The following CPA6 variants were observed in gnomAD, a reference collection of about 807,000 sequenced individuals.
CPA6 encodes the protein carboxypeptidase B.
Under a neutral mutation model 63.3 loss-of-function variants are expected in CPA6, and 58 were observed. The ratio of observed to expected loss-of-function variants is 0.92; its 90% confidence interval spans 0.74 to 1.14. CPA6 has a LOEUF of 1.14. Ranked by LOEUF, CPA6 falls within the 50% of genes most tolerant of loss-of-function variation. The pLI, the probability that CPA6 is intolerant of heterozygous loss-of-function variation, is 0.00. For synonymous variants in CPA6, 185 were observed against 179.0 expected (o/e 1.03, Z -0.27); for missense variants, 565 against 526.6 (o/e 1.07, Z -0.71).
intron 2 of CPA6, among the ~76,000 whole-genome samples, chr8:67,546,266 T>C (rs1353376630): frequency 6.6e-6 from 1 of 152,200 alleles, no homozygotes; most frequent in Non-Finnish European, 1.5e-5. Flanking sequence ...CTTGGTGAGC[T>C]TCCTGGTAAA....
intron 1 of CPA6, among the ~76,000 whole-genome samples, chr8:67,703,827 G>A (rs945352143): frequency 7.9e-5 from 12 of 152,140 alleles, no homozygotes; most frequent in African/African-American, 2.9e-4. Flanking sequence ...TTTCATCCCA[G>A]TTATGCTCCA....
In CPA6 at chr8:67,742,450, G is replaced by A. The variant is rs558999091; in HGVS notation, c.116+3564C>T. Among the ~76,000 whole-genome samples the A allele has an allele frequency of 3.9e-5, 6 of 152,310 alleles. No individual in the cohort carries two copies. The South Asian group carries it at 1.2e-3, about 32-fold the overall frequency. On this transcript the variant is annotated intron_variant, in intron 1 of 10. Coordinates refer to ENST00000297770, the MANE Select transcript of CPA6 (RefSeq NM_020361.5). ...AGGCAGAGCTGGGTGAGAATCTCAA[G>A]TGTGTCCTTGAGCTAGTTAGCCCTG...
At chr8:67,649,469 G>A (rs1245006860) in intron 1 of CPA6, among the ~76,000 whole-genome samples, 1 of 152,048 alleles carries the variant, frequency 6.6e-6, no homozygotes, top group African/African-American at 2.4e-5. Flanking sequence ...TTTTTCTAAA[G>A]ACTTTCCATG....
Position 67,690,144 on chromosome 8 carries a change from G to T in CPA6, c.116+55870C>A, listed in dbSNP as rs541201972. On this transcript the variant is annotated intron_variant, in intron 1 of 10. Transcript: ENST00000297770. Reference sequence around the variant, plus strand: ...GTTATTTGTTTTTCTGAAGATATAAGCTTCTCATGTAGAGGAACTGTGTGT... The same window carrying T: ...GTTATTTGTTTTTCTGAAGATATAATCTTCTCATGTAGAGGAACTGTGTGT... Among the ~76,000 whole-genome samples the T allele has an allele frequency of 3.9e-5, 6 of 152,090 alleles. No homozygotes were observed. The South Asian group carries it at 1.0e-3, about 26-fold the overall frequency.
chr8:67,538,907 C>A (rs1812647054), intron 2 of CPA6, among the ~76,000 whole-genome samples: 1 of 152,164 alleles, frequency 6.6e-6, no homozygotes, highest in African/African-American at 2.4e-5. Flanking sequence ...GATCTGCCTG[C>A]CTTGGACTCC....
chr8:67,643,217 T>C (rs528733962), intron 1 of CPA6, among the ~76,000 whole-genome samples: 1 of 152,288 alleles, frequency 6.6e-6, no homozygotes, highest in African/African-American at 2.4e-5. Flanking sequence ...ATTTCACAAC[T>C]ACCAGTTTCT....
chr8:67,707,995 A>T (rs1367987543), intron 1 of CPA6, among the ~76,000 whole-genome samples: 1 of 152,158 alleles, frequency 6.6e-6, no homozygotes, highest in African/African-American at 2.4e-5. Flanking sequence ...TTGTCTACAC[A>T]GTCCCTGTAC....
chr8:67,603,536 T>A (rs1185802643), intron 2 of CPA6, among the ~76,000 whole-genome samples: 1 of 152,190 alleles, frequency 6.6e-6, no homozygotes, highest in Non-Finnish European at 1.5e-5. Flanking sequence ...CCCTAAAGCA[T>A]GTCCATAGAT....
At chr8:67,660,622 A>G (rs1056122439) in intron 1 of CPA6, among the ~76,000 whole-genome samples, 4 of 149,922 alleles carry the variant, frequency 2.7e-5, no homozygotes, top group African/African-American at 9.9e-5. Context: ...GGATTACAGG[A>G]ACGAACCTCT....
rs1811714617 is a variant in CPA6 at position 67,496,519 on chromosome 8, T to TA, written c.636+10267_636+10268insT. On this transcript the variant is annotated intron_variant, in intron 6 of 10. Transcript: ENST00000297770. ...TGTGCAACCATCACCACTATATAGT[T>TA]TATATATATATATATATATATATAT... Among the ~76,000 whole-genome samples, 52 of 94,124 alleles carry TA rather than the reference T, an allele frequency of 5.5e-4. 1 individual carries two copies. Among genetic ancestry groups the TA allele is most frequent in the African/African-American group, 2.3e-3 (46 of 20,046 alleles). 61.7% of individuals were successfully genotyped at this position (94,124 alleles called of 152,430 possible). A position where few individuals can be genotyped will look rare whatever the true frequency, so the allele number is the denominator to read the frequency against.
chr8:67,452,184 A>C (rs1810571482), intron 8 of CPA6: 1 of 152,216 alleles, frequency 6.6e-6, no homozygotes, highest in Non-Finnish European at 1.5e-5. Context: ...GAACATGCAG[A>C]GGGAGTAGAA....
chr8:67,702,295 C>T (rs1006993993), intron 1 of CPA6, among the ~76,000 whole-genome samples: 3 of 152,112 alleles, frequency 2.0e-5, no homozygotes, highest in African/African-American at 7.2e-5. Context: ...ACAAAATCAG[C>T]ATTACTATAT....
chr8:67,647,399 C>T (rs1166827494), intron 1 of CPA6, among the ~76,000 whole-genome samples: 3 of 150,856 alleles, frequency 2.0e-5, no homozygotes, highest in Non-Finnish European at 4.4e-5. Flanking sequence ...TGGCCTTGAA[C>T]TTCTGGATTC....
chr8:67,565,692 T>C (rs954381407), intron 2 of CPA6, among the ~76,000 whole-genome samples: 4 of 152,194 alleles, frequency 2.6e-5, no homozygotes, highest in Non-Finnish European at 5.9e-5. Flanking sequence ...CTGTTTAGTT[T>C]TTTTCCCAAG....
chr8:67,592,896 C>G (rs1427616137), intron 2 of CPA6, among the ~76,000 whole-genome samples: 1 of 151,854 alleles, frequency 6.6e-6, no homozygotes, highest in African/African-American at 2.4e-5. Context: ...CATTTCTGCT[C>G]TGATTTTAGT....
chr8:67,509,302 C>A (rs1490292479), intron 5 of CPA6, among the ~76,000 whole-genome samples: 1 of 152,130 alleles, frequency 6.6e-6, no homozygotes, highest in East Asian at 1.9e-4. Flanking sequence ...GCATCAATAA[C>A]TGAAAATGTT....
At chr8:67,607,570 T>C (rs181003934) in intron 2 of CPA6, among the ~76,000 whole-genome samples, 7 of 152,186 alleles carry the variant, frequency 4.6e-5, no homozygotes, top group African/African-American at 1.4e-4. Flanking sequence ...TATTTCTTCT[T>C]GACTTCAGCT....
Position 67,484,712 on chromosome 8 carries a change from A to T in CPA6, c.714T>A (p.Phe238Leu), listed in dbSNP as rs776527874. The change falls in exon 7 of 11, where the codon TTT becomes TTA. Residue 238 changes from phenylalanine (F) to leucine (L), a missense_variant. By Grantham distance (22) the Phe-to-Leu change is conservative (BLOSUM62 0). Coordinates refer to ENST00000297770, the MANE Select transcript of CPA6 (RefSeq NM_020361.5). The stretch of plus-strand genomic sequence containing the variant: ...AACTAAAATGGTATCCATCGACGTT[A>T]AACACAGGCATGATATAGAAATATA... ...NHLYFYIMPV[F>L]NVDGYHFSWT... The T allele has an allele frequency of 1.2e-6, 2 of 1,608,464 alleles. No homozygotes were observed. Among genetic ancestry groups the T allele is most frequent in the Non-Finnish European group, 1.7e-6 (2 of 1,175,108 alleles).
intron 8 of CPA6, among the ~76,000 whole-genome samples, chr8:67,448,495 G>A (rs953684597): frequency 4.0e-5 from 6 of 151,464 alleles, no homozygotes; most frequent in Non-Finnish European, 4.4e-5. Context: ...AGCTGGTTGT[G>A]GTGGTGTGCG....
Sources: allele counts gnomAD v4.1 joint callset (sites outside exome capture counted in the v4.1 genomes callset), GRCh38; gene constraint gnomAD v4.1.1; transcripts MANE v1.5; gene names NCBI Gene and HGNC (gene_info 2026-07-23, HGNC 2026-07-21).